The following KLHL14 variants were observed in gnomAD, a reference collection of about 807,000 sequenced individuals.
KLHL14 encodes kelch like family member 14, also known as kelch-like protein 14.
In KLHL14, 22 loss-of-function variants were observed where a neutral mutation model predicts 64.3. That is an observed-to-expected ratio of 0.34 (90% CI 0.24 to 0.49). KLHL14 has a LOEUF of 0.49. KLHL14 is among the 20% of genes least tolerant of loss of function. The pLI is 0.99. For missense variants in KLHL14, 661 were observed against 789.0 expected (o/e 0.84, Z 1.94); for synonymous variants, 322 against 333.4 (o/e 0.97, Z 0.37).
chr18:32,728,085 A>G (rs2050116582), intron 3 of KLHL14, among the ~76,000 whole-genome samples: 4 of 152,184 alleles, frequency 2.6e-5, no homozygotes, highest in Admixed American at 2.0e-4. Flanking sequence ...AACAAAGAGG[A>G]TGGTAGAAGG....
intron 2 of KLHL14, 67 bp downstream of exon 2, chr18:32,769,578 C>CG: frequency 1.9e-6 from 1 of 532,188 alleles, no homozygotes; most frequent in East Asian, 5.6e-5. Flanking sequence ...TCCCTGCCCC[C>CG]TCCCCTCCCT....
intron 3 of KLHL14, among the ~76,000 whole-genome samples, chr18:32,725,148 A>G (rs1485865165): frequency 1.3e-5 from 2 of 151,966 alleles, no homozygotes; most frequent in East Asian, 1.9e-4. Flanking sequence ...CAGCCTCCCA[A>G]GTAGGTGGGA....
chr18:32,677,294 T>C lies in KLHL14; in HGVS notation c.1625A>G (p.Tyr542Cys). Residue 542 changes from tyrosine (Y) to cysteine (C), a missense_variant, in exon 8 of 9, where the codon TAT becomes TGT. By Grantham distance (194) the Tyr-to-Cys change is radical. Transcript: ENST00000359358. ...SHLDVMLVECYDPKGDQWNIL... is the reference protein window; with the variant it reads ...SHLDVMLVECCDPKGDQWNIL... Reference sequence around the variant, plus strand: ...ATTCCACTGGTCACCTTTTGGGTCATAGCATTCCACAAGCATTACATCAAG... The same window carrying C: ...ATTCCACTGGTCACCTTTTGGGTCACAGCATTCCACAAGCATTACATCAAG... 4 of 1,613,324 alleles carry C rather than the reference T, an allele frequency of 2.5e-6. No homozygotes were observed. The highest frequency in any genetic ancestry group is 1.3e-5 in the African/African-American group (1 of 75,008).
chr18:32,770,775 C>G lies in KLHL14; in HGVS notation c.-43-141G>C, dbSNP rs1207125261. 3 of 559,196 alleles carry G rather than the reference C, an allele frequency of 5.4e-6. No homozygotes were observed. The highest frequency in any genetic ancestry group is 8.9e-6 in the Non-Finnish European group (3 of 338,664). The allele number at this position is 559,196 out of a possible 1,614,324, so 34.6% of individuals were successfully genotyped here. ...GGCTCAGCTTGACTCCCTCCTGGCG[C>G]GCTCCGGACCCCGACCCTAGGAGGA... On this transcript the variant is annotated intron_variant, in intron 1 of 8. Coordinates refer to ENST00000359358, the MANE Select transcript of KLHL14 (RefSeq NM_020805.3). This position sits in a 1 kb window ranked among gnomAD's most constrained non-coding sequence, Gnocchi z 6.7.
intron 8 of KLHL14, among the ~76,000 whole-genome samples, chr18:32,675,206 G>A (rs1452238128): frequency 1.3e-5 from 2 of 151,924 alleles, no homozygotes; most frequent in African/African-American, 4.8e-5. Flanking sequence ...CACTAAAAAA[G>A]ATAAAAACAA....
chr18:32,772,894 G>GGAGA lies in KLHL14; in HGVS notation c.-275_-272dup, dbSNP rs1211162894. On this transcript the variant is annotated 5_prime_UTR_variant, in exon 1 of 9. Transcript: ENST00000359358. ...AGGGAGAAAAGAGAGAAAGAGAGAG[G>GGAGA]GAGAGAGAGAGGGAGCAGAGCTTTC... The GGAGA allele has an allele frequency of 6.3e-6, 1 of 158,432 alleles. No individual in the cohort carries two copies. The allele number at this position is 158,432 out of a possible 1,614,324, so 9.8% of individuals were successfully genotyped here.
rs1412814710 is a variant in KLHL14 at position 32,770,541 on chromosome 18, G to T, written c.51C>A (p.Asp17Glu). 6.2e-7 allele frequency: 1 copy of T among 1,604,816 alleles called. No individual in the cohort carries two copies. ...GCAGGTTGAGGCCGTGCAGCAGGTTGTCGCTGTGGCTGGGGTCGAAGGTGG... is the reference window on the plus strand; with the variant it reads ...GCAGGTTGAGGCCGTGCAGCAGGTTTTCGCTGTGGCTGGGGTCGAAGGTGG... ...RTSTFDPSHS[D>E]NLLHGLNLLW... The change falls in exon 2 of 9, where the codon GAC becomes GAA. Residue 17 changes from aspartate (D) to glutamate (E), a missense_variant. Transcript: ENST00000359358. The surrounding 1 kb of genome is among the most constrained non-coding windows in gnomAD (Gnocchi z 6.7).
chr18:32,759,894 TG>T (rs1430626732), intron 2 of KLHL14, among the ~76,000 whole-genome samples: 1 of 152,196 alleles, frequency 6.6e-6, no homozygotes, highest in Non-Finnish European at 1.5e-5. Context: ...GATCTCTCAC[TG>T]TATCAGTGAA....
intron 2 of KLHL14, among the ~76,000 whole-genome samples, chr18:32,764,960 T>C (rs892839689): frequency 1.3e-5 from 2 of 152,158 alleles, no homozygotes; most frequent in African/African-American, 2.4e-5. Flanking sequence ...TAAGTCTACA[T>C]ATAACTCTTC....
chr18:32,734,636 A>T (rs1263819949), intron 3 of KLHL14, among the ~76,000 whole-genome samples: 1 of 152,248 alleles, frequency 6.6e-6, no homozygotes, highest in Non-Finnish European at 1.5e-5. Flanking sequence ...GTTAAAAAAT[A>T]ATGCAAAGTT....
At chr18:32,718,208 G>C (rs12457924) in intron 3 of KLHL14, among the ~76,000 whole-genome samples, 43,730 of 152,010 alleles carry the variant, frequency 0.29, 6,484 homozygotes, top group African/African-American at 0.34. Flanking sequence ...TTTTTGGTGA[G>C]TCCCCACTGA....
rs71361391 is a variant in KLHL14 at position 32,677,630 on chromosome 18, T to C, written c.1589-300A>G. 3.3e-3 allele frequency among the ~76,000 whole-genome samples: 501 copies of C among 152,324 alleles called. 2 individuals are homozygous for C. The highest frequency in any genetic ancestry group is 6.0e-3 in the Non-Finnish European group (406 of 68,028). On this transcript the variant is annotated intron_variant, in intron 7 of 8. Coordinates refer to ENST00000359358, the MANE Select transcript of KLHL14 (RefSeq NM_020805.3). ...GGTTTATTAAAACCTTATTTAAAAA[T>C]GTTTAAAATAATAGTTTAAGCAAGC...
At chr18:32,746,857 A>C (rs946626768) in intron 2 of KLHL14, among the ~76,000 whole-genome samples, 2 of 152,172 alleles carry the variant, frequency 1.3e-5, no homozygotes, top group African/African-American at 4.8e-5. Context: ...AGGCATTAGA[A>C]ATTTTGGATT....
intron 4 of KLHL14, among the ~76,000 whole-genome samples, chr18:32,693,413 C>CACAGAGAGAG (rs1229737083): frequency 2.1e-4 from 20 of 97,034 alleles, no homozygotes; most frequent in African/African-American, 8.2e-4. Context: ...CACACACACA[C>CACAGAGAGAG]AGAGAGAGAG....
At chr18:32,704,482 G>C (rs1026244042) in intron 3 of KLHL14, among the ~76,000 whole-genome samples, 2 of 152,062 alleles carry the variant, frequency 1.3e-5, no homozygotes, top group South Asian at 2.1e-4. Context: ...CAGCACTTTG[G>C]GGGGCCGAGG....
In KLHL14 at chr18:32,770,091, G is replaced by C. The variant is rs1225796407; in HGVS notation, c.501C>G (p.Pro167=). 6.2e-7 allele frequency: 1 copy of C among 1,614,122 alleles called. No homozygotes were observed. The highest frequency in any genetic ancestry group is 8.5e-7 in the Non-Finnish European group (1 of 1,180,010). The change falls in exon 2 of 9, where the codon CCC becomes CCG. Residue 167 remains proline, a synonymous_variant. Transcript: ENST00000359358. This position sits in a 1 kb window ranked among gnomAD's most constrained non-coding sequence, Gnocchi z 6.7. Reference sequence around the variant, plus strand: ...ACTGCACGCAGAGCTTGGTGACCTGGGGGATGTGCAGGATCTTGCTGACCG... The same window carrying C: ...ACTGCACGCAGAGCTTGGTGACCTGCGGGATGTGCAGGATCTTGCTGACCG... The part of the protein sequence containing the change: ...VLSVSKILHI[P]QVTKLCVQFL...
intron 3 of KLHL14, among the ~76,000 whole-genome samples, chr18:32,729,250 A>T (rs2050123506): frequency 6.6e-6 from 1 of 152,158 alleles, no homozygotes; most frequent in Admixed American, 6.5e-5. Context: ...TGAGGATGGC[A>T]GGCAGTGCCT....
intron 2 of KLHL14, among the ~76,000 whole-genome samples, chr18:32,748,524 C>T (rs1156924147): frequency 2.0e-5 from 3 of 152,156 alleles, no homozygotes; most frequent in Non-Finnish European, 2.9e-5. Flanking sequence ...CGCCCGCCAT[C>T]ACGCCTGGCT....
chr18:32,748,143 CT>C (rs1043066856), intron 2 of KLHL14, among the ~76,000 whole-genome samples: 2 of 152,178 alleles, frequency 1.3e-5, no homozygotes, highest in South Asian at 2.1e-4. Context: ...GACCTCTTAG[CT>C]AAGGTGAGAT....
Sources: gnomAD v4.1 joint callset for allele counts (sites outside exome capture counted in the v4.1 genomes callset) on GRCh38, gnomAD v4.1.1 for gene constraint, Gnocchi (gnomAD v3.1) non-coding constraint, MANE v1.5 for transcripts, NCBI Gene and HGNC (gene_info 2026-07-23, HGNC 2026-07-21) for gene names.